The following MYEF2 variants were observed in gnomAD, a reference collection of about 807,000 sequenced individuals.
MYEF2 encodes the protein myelin expression factor 2, also known as myelin gene expression factor 2.
MYEF2 carries 37 observed loss-of-function variants against 75.2 expected under a neutral mutation model. That is an observed-to-expected ratio of 0.49 (90% CI 0.38 to 0.65). The LOEUF (loss-of-function observed/expected upper bound fraction) is 0.65, where lower values mean the gene tolerates loss of function less well. Ranked by LOEUF, MYEF2 falls within the 30% of genes least tolerant of loss-of-function variation. The probability of loss-of-function intolerance (pLI) is 0.00; values close to 1 mark genes in which losing one functional copy is unlikely to be tolerated. For synonymous variants in MYEF2, 195 were observed against 241.6 expected (o/e 0.81, Z 1.79); for missense variants, 634 against 771.4 (o/e 0.82, Z 2.11).
In MYEF2 at chr15:48,140,887, G is replaced by A. The variant is rs912397620; in HGVS notation, c.*2021C>T. The A allele has an allele frequency of 1.0e-5, 4 of 392,290 alleles. No individual in the cohort carries two copies. Among genetic ancestry groups the A allele is most frequent in the South Asian group, 2.9e-5 (1 of 34,034 alleles). 24.3% of individuals were successfully genotyped at this position (392,290 alleles called of 1,614,324 possible). On this transcript the variant is annotated 3_prime_UTR_variant, in exon 17 of 17. Coordinates refer to ENST00000324324, the MANE Select transcript of MYEF2 (RefSeq NM_016132.5). ...TCACTGGCAGAATTTTAGCTGTTAC[G>A]TATCTTTAGATATGTCATTAAAAAT...
intron 5 of MYEF2, among the ~76,000 whole-genome samples, chr15:48,160,008 G>A (rs2140888831): frequency 6.6e-6 from 1 of 152,182 alleles, no homozygotes; most frequent in South Asian, 2.1e-4. Flanking sequence ...AGAGATGTCA[G>A]TTAATTTTTT....
chr15:48,165,840 T>G (rs745755492), intron 5 of MYEF2, 93 bp downstream of exon 5: 1 of 888,458 alleles, frequency 1.1e-6, no homozygotes, highest in Non-Finnish European at 1.7e-6. Context: ...TAAAAAAAAG[T>G]TGTAGTCAGG....
intron 1 of MYEF2, among the ~76,000 whole-genome samples, chr15:48,177,251 AC>A (rs2040565401): frequency 6.6e-6 from 1 of 152,102 alleles, no homozygotes. Flanking sequence ...TTTCCCTAGA[AC>A]CAGAAATTAT....
At chr15:48,172,400 C>CAAA (rs1226662209) in intron 1 of MYEF2, among the ~76,000 whole-genome samples, 1 of 84,976 alleles carries the variant, frequency 1.2e-5, no homozygotes, top group African/African-American at 4.4e-5. Context: ...GACTCTGTAT[C>CAAA]AAAAAAAAAA....
intron 2 of MYEF2, 136 bp from the exon 3 acceptor site, chr15:48,167,537 A>C: frequency 1.6e-6 from 1 of 625,722 alleles, no homozygotes; most frequent in Admixed American, 2.7e-5. Flanking sequence ...AGACCAACAT[A>C]CCTCCTATCA....
At chr15:48,177,384 T>A (rs897016139) in intron 1 of MYEF2, among the ~76,000 whole-genome samples, 2 of 151,286 alleles carry the variant, frequency 1.3e-5, no homozygotes. Context: ...AAGATAATCA[T>A]ACACTGAGTT....
At chr15:48,163,478 T>C (rs2040025064) in intron 5 of MYEF2, among the ~76,000 whole-genome samples, 1 of 152,170 alleles carries the variant, frequency 6.6e-6, no homozygotes, top group Non-Finnish European at 1.5e-5. Context: ...AACATAAAAG[T>C]GCAAGTGAAG....
intron 16 of MYEF2, among the ~76,000 whole-genome samples, chr15:48,143,573 C>A (rs1357993897): frequency 6.6e-6 from 1 of 152,090 alleles, no homozygotes; most frequent in African/African-American, 2.4e-5. Flanking sequence ...AAGGGCCCCA[C>A]TAATTCTGCT....
At chr15:48,170,140 G>GT (rs1160897078) in intron 1 of MYEF2, among the ~76,000 whole-genome samples, 1 of 151,482 alleles carries the variant, frequency 6.6e-6, no homozygotes, top group African/African-American at 2.4e-5. Flanking sequence ...TGTTGTTGTT[G>GT]TTTGAGATAC....
chr15:48,136,547 C>CA lies in MYEF2; in HGVS notation c.*6360dup, dbSNP rs1270291615. 3.2e-5 allele frequency: 26 copies of CA among 819,862 alleles called. No individual in the cohort carries two copies. The highest frequency in any genetic ancestry group is 4.7e-5 in the Non-Finnish European group (26 of 550,958). The allele number at this position is 819,862 out of a possible 1,614,324, so 50.8% of individuals were successfully genotyped here. ...ATCAAGTCTGGACAAATCTACAAAA[C>CA]AAAAAATATCTAGAAATGTTTGATT... is the stretch of plus-strand genomic sequence containing the variant. On this transcript the variant is annotated 3_prime_UTR_variant, in exon 17 of 17. Transcript: ENST00000324324.
chr15:48,172,192 G>A (rs1042587817), intron 1 of MYEF2, among the ~76,000 whole-genome samples: 8 of 152,116 alleles, frequency 5.3e-5, no homozygotes, highest in Admixed American at 5.2e-4. Flanking sequence ...TTGAGGTCAG[G>A]AGTTCGAGAT....
At chr15:48,153,993 T>A in intron 9 of MYEF2, 100 bp from the exon 10 acceptor site, 1 of 902,270 alleles carries the variant, frequency 1.1e-6, no homozygotes, top group Non-Finnish European at 1.6e-6. Flanking sequence ...GTAGTATCTG[T>A]AAAATTTCTG....
chr15:48,159,581 A>G (rs377363026), intron 6 of MYEF2, 32 bp downstream of exon 6: 146 of 1,586,650 alleles, frequency 9.2e-5, no homozygotes, highest in Non-Finnish European at 1.2e-4. Context: ...ATCTATCTGA[A>G]TGACAAATTT....
chr15:48,177,961 G>A (rs1809384215), intron 1 of MYEF2, 116 bp downstream of exon 1: 1 of 1,348,866 alleles, frequency 7.4e-7, no homozygotes, highest in Admixed American at 2.3e-5. Flanking sequence ...GATGGCCCGG[G>A]GGCGGGCCGG....
rs957423500 is a variant in MYEF2 at position 48,135,984 on chromosome 15, C to CA, written c.*6923dup. On this transcript the variant is annotated 3_prime_UTR_variant, in exon 17 of 17. Transcript: ENST00000324324. ...GAACTGTTCTTTAAGATACAGCAGA[C>CA]AGAGATTCACTGGCTATAAAAGGTA... is the stretch of plus-strand genomic sequence containing the variant. 1.3e-5 allele frequency: 2 copies of CA among 152,076 alleles called. No homozygotes were observed. Among genetic ancestry groups the CA allele is most frequent in the African/African-American group, 4.8e-5 (2 of 41,430 alleles). The allele number at this position is 152,076 out of a possible 1,614,324, so 9.4% of individuals were successfully genotyped here. A position where few individuals can be genotyped will look rare whatever the true frequency, so the allele number is the denominator to read the frequency against.
intron 16 of MYEF2, among the ~76,000 whole-genome samples, chr15:48,147,219 T>G (rs542175090): frequency 6.6e-6 from 1 of 152,078 alleles, no homozygotes; most frequent in African/African-American, 2.4e-5. Flanking sequence ...GATGTCCTCA[T>G]GTCAAAACAA....
At chr15:48,150,662 A>C (rs1376414195) in intron 14 of MYEF2, among the ~76,000 whole-genome samples, 1 of 152,010 alleles carries the variant, frequency 6.6e-6, no homozygotes, top group African/African-American at 2.4e-5. Context: ...CCTTAGCCTG[A>C]CTCAAGCTCA....
At chr15:48,165,551 T>C (rs1379543888) in intron 5 of MYEF2, among the ~76,000 whole-genome samples, 1 of 152,038 alleles carries the variant, frequency 6.6e-6, no homozygotes, top group South Asian at 2.1e-4. Context: ...ATCCATAACA[T>C]ATTTGCATTA....
rs565567305 is a variant in MYEF2 at position 48,135,139 on chromosome 15, T to C, written c.*7769A>G. The C allele has an allele frequency of 5.6e-5, 31 of 553,178 alleles. No homozygotes were observed. The highest frequency in any genetic ancestry group is 5.3e-4 in the African/African-American group (28 of 52,914). The allele number at this position is 553,178 out of a possible 1,614,324, so 34.3% of individuals were successfully genotyped here. On this transcript the variant is annotated 3_prime_UTR_variant, in exon 17 of 17. Transcript: ENST00000324324. ...TGTGAGTTAACCTCATCACAATTGC[T>C]GATTGAGTTCTTCTCACTAGTTTGC...
Sources: allele counts gnomAD v4.1 joint callset (sites outside exome capture counted in the v4.1 genomes callset), GRCh38; gene constraint gnomAD v4.1.1; transcripts MANE v1.5; gene names NCBI Gene and HGNC (gene_info 2026-07-23, HGNC 2026-07-21).